The following SCN4A variants were observed in gnomAD, a reference collection of about 807,000 sequenced individuals.
SCN4A encodes the protein sodium voltage-gated channel alpha subunit 4, also known as sodium channel protein type 4 subunit alpha.
SCN4A carries 83 observed loss-of-function variants against 162.0 expected under a neutral mutation model. That is an observed-to-expected ratio of 0.51 (90% CI 0.43 to 0.61). SCN4A has a LOEUF of 0.61. Ranked by LOEUF, SCN4A falls within the 20% of genes least tolerant of loss-of-function variation. The pLI, the probability that SCN4A is intolerant of heterozygous loss-of-function variation, is 0.00. For synonymous variants in SCN4A, 944 were observed against 985.1 expected, an observed-to-expected ratio of 0.96 and a Z score of 0.78; for missense variants, 2,196 against 2,462.5, an observed-to-expected ratio of 0.89 and a Z score of 2.29.
In SCN4A at chr17:63,951,626, T is replaced by G; in HGVS notation, c.2651A>C (p.Glu884Ala). The G allele has an allele frequency of 6.2e-7, 1 of 1,613,134 alleles. No homozygotes were observed. ...GTGATTGTCCTTCTTCAGGTCCTCC[T>G]CGGGCGGCTCCTTCTTCTCATCCTC... ...APEDEKKEPP[E>A]EDLKKDNHIL... The change falls in exon 14 of 24, where the codon GAG becomes GCG. Residue 884 changes from glutamate (E) to alanine (A), a missense_variant. By Grantham distance (107) the Glu-to-Ala change is moderately radical. Coordinates refer to ENST00000435607, the MANE Select transcript of SCN4A (RefSeq NM_000334.4). This position sits in a 1 kb window ranked among gnomAD's most constrained non-coding sequence, Gnocchi z 4.5.
At position 63,945,751 on chromosome 17, in the gene SCN4A, GCT is replaced by G; in HGVS notation, c.3442-115_3442-114del. ...AGCTGGGCATTGTCAATTAGGGAGG[GCT>G]TCCTAGAGGAGGGCCGACCTGCTGG... On this transcript the variant is annotated intron_variant, in intron 18 of 23. Coordinates refer to ENST00000435607, the MANE Select transcript of SCN4A (RefSeq NM_000334.4). The surrounding 1 kb of genome is among the most constrained non-coding windows in gnomAD (Gnocchi z 4.4). 8.3e-7 allele frequency: 1 copy of G among 1,201,616 alleles called. No individual in the cohort carries two copies. Among genetic ancestry groups the G allele is most frequent in the Non-Finnish European group, 1.2e-6 (1 of 838,598 alleles). 74.4% of individuals were successfully genotyped at this position (1,201,616 alleles called of 1,614,324 possible).
At chr17:63,959,579 C>T (rs927281990) in intron 11 of SCN4A, 141 bp from the exon 12 acceptor site, 4 of 743,084 alleles carry the variant, frequency 5.4e-6, no homozygotes, top group African/African-American at 3.5e-5. Context: ...GCAGGAGTGG[C>T]ATGCATGGCC....
At chr17:63,942,627 C>T (rs1271876585) in intron 23 of SCN4A, among the ~76,000 whole-genome samples, 199 bp downstream of exon 23, 1 of 152,252 alleles carries the variant, frequency 6.6e-6, no homozygotes, top group African/African-American at 2.4e-5. Context: ...TCCTGAGGTG[C>T]ATCCATGTGT....
At position 63,945,373 on chromosome 17, in the gene SCN4A, G is replaced by A. The variant is rs757364234; in HGVS notation, c.3707C>T (p.Ser1236Phe). The change falls in exon 19 of 24, where the codon TCC (serine) becomes TTC (phenylalanine). Residue 1236 changes from serine to phenylalanine, a missense_variant. Physicochemically the swap from Ser to Phe is radical, Grantham distance 155 (BLOSUM62 -2). Coordinates refer to ENST00000435607, the MANE Select transcript of SCN4A (RefSeq NM_000334.4). This position sits in a 1 kb window ranked among gnomAD's most constrained non-coding sequence, Gnocchi z 4.4. ...GGTCACACTCACCACCTGCAGGAGG[G>A]AGAGGTAGCCCAGACCCACGTTGTC... ...NYDNVGLGYL[S>F]LLQVATFKGW... 6.2e-7 allele frequency: 1 copy of A among 1,610,344 alleles called. No homozygotes were observed. Among genetic ancestry groups the A allele is most frequent in the Non-Finnish European group, 8.5e-7 (1 of 1,176,754 alleles).
chr17:63,952,036 A>C, intron 13 of SCN4A, 136 bp from the exon 14 acceptor site: 1 of 606,374 alleles, frequency 1.6e-6, no homozygotes, highest in Non-Finnish European at 2.9e-6. Context: ...GCCACCTAAG[A>C]GGTGTTCACA....
chr17:63,947,413 C>G (rs915845521), intron 17 of SCN4A, among the ~76,000 whole-genome samples: 1 of 136,686 alleles, frequency 7.3e-6, no homozygotes, highest in Non-Finnish European at 1.7e-5. Context: ...GGATGGTACC[C>G]GACTCCTTCG....
In SCN4A at chr17:63,944,815, G is replaced by T. The variant is rs777201502; in HGVS notation, c.3775-5C>A. 6.2e-7 allele frequency: 1 copy of T among 1,613,262 alleles called. No homozygotes were observed. Among genetic ancestry groups the T allele is most frequent in the Admixed American group, 1.7e-5 (1 of 59,954 alleles). ...GTACTGCGGCTGCTCCTCCTTCTGTGGGAGCCACAGGGTGGGACGGCGTGG... is the reference window on the plus strand; with the variant it reads ...GTACTGCGGCTGCTCCTCCTTCTGTTGGAGCCACAGGGTGGGACGGCGTGG... On this transcript the variant is annotated splice_region_variant and splice_polypyrimidine_tract_variant and intron_variant, in intron 20 of 23. Coordinates refer to ENST00000435607, the MANE Select transcript of SCN4A (RefSeq NM_000334.4). This position sits in a 1 kb window ranked among gnomAD's most constrained non-coding sequence, Gnocchi z 4.3.
rs1555603359 is a variant in SCN4A, at chr17:63,959,260, T to C, written c.2019+5A>G. 2.5e-6 allele frequency: 4 copies of C among 1,606,710 alleles called. No individual in the cohort carries two copies. Among genetic ancestry groups the C allele is most frequent in the Non-Finnish European group, 3.4e-6 (4 of 1,173,994 alleles). On this transcript the variant is annotated splice_donor_5th_base_variant and intron_variant, in intron 12 of 23. Coordinates refer to ENST00000435607, the MANE Select transcript of SCN4A (RefSeq NM_000334.4). ...CCAGCCCCTGGCCCTGGGGCTTTTG[T>C]GTACCAGACGGAAGGAGCGTAGCAC...
In SCN4A at chr17:63,940,575, T is replaced by C; in HGVS notation, c.*196A>G. 3.5e-6 allele frequency: 2 copies of C among 573,716 alleles called. No individual in the cohort carries two copies. Among genetic ancestry groups the C allele is most frequent in the East Asian group, 3.0e-5 (1 of 33,396 alleles). The allele number at this position is 573,716 out of a possible 1,614,324, so 35.5% of individuals were successfully genotyped here. On this transcript the variant is annotated 3_prime_UTR_variant, in exon 24 of 24. Coordinates refer to ENST00000435607, the MANE Select transcript of SCN4A (RefSeq NM_000334.4). The stretch of plus-strand genomic sequence containing the variant: ...CCCAGCATGGAGCCCCTGAGCGCAA[T>C]TCCCATTTCCCATGGTCTGGGAACG...
chr17:63,944,940 C>G lies in SCN4A; in HGVS notation c.3774+67G>C. ...TCGGGGACAGAACGTGCTGCCAAGT[C>G]TCCCTCCTGTCTTGAGTCCTCTTCC... On this transcript the variant is annotated intron_variant, in intron 20 of 23. Transcript: ENST00000435607. This position sits in a 1 kb window ranked among gnomAD's most constrained non-coding sequence, Gnocchi z 4.3. The G allele has an allele frequency of 6.3e-7, 1 of 1,594,578 alleles. No homozygotes were observed.
At chr17:63,949,766 G>A in intron 14 of SCN4A, 1 of 439,710 alleles carries the variant, frequency 2.3e-6, no homozygotes, top group Non-Finnish European at 4.1e-6. Flanking sequence ...TGCCTGGGAA[G>A]GGACGGTAAG....
At chr17:63,948,171 G>C in intron 16 of SCN4A, 108 bp from the exon 17 acceptor site, 3 of 862,716 alleles carry the variant, frequency 3.5e-6, no homozygotes, top group Non-Finnish European at 5.1e-6. Context: ...TGCCGTGGGG[G>C]CCCAGCCCAA....
At chr17:63,943,716 A>C in intron 22 of SCN4A, 30 bp downstream of exon 22, 1 of 1,395,788 alleles carries the variant, frequency 7.2e-7, no homozygotes, top group Non-Finnish European at 1.0e-6. Flanking sequence ...CTGGCAGCAC[A>C]CACAGGACAG....
At chr17:63,965,036 T>C (rs1433009474) in intron 8 of SCN4A, among the ~76,000 whole-genome samples, 1 of 152,170 alleles carries the variant, frequency 6.6e-6, no homozygotes, top group Non-Finnish European at 1.5e-5. Flanking sequence ...CTATTATTAT[T>C]ATTTAATCAA....
rs748690174 is a variant in SCN4A, at chr17:63,972,719, C to G, written c.123G>C (p.Arg41=). 3.1e-6 allele frequency: 5 copies of G among 1,613,700 alleles called. No individual in the cohort carries two copies. In the South Asian group the frequency reaches 5.5e-5, roughly 18 times the overall value. The change falls in exon 1 of 24, where the codon CGG becomes CGC. Residue 41 remains arginine, a synonymous_variant. Coordinates refer to ENST00000435607, the MANE Select transcript of SCN4A (RefSeq NM_000334.4). This position sits in a 1 kb window ranked among gnomAD's most constrained non-coding sequence, Gnocchi z 4.3. Reference sequence around the variant, plus strand: ...GCTCCTCAATCTCCATCTGCTTATTCCGCTGCAGCCGGGCCTCCTCCTCCA... The same window carrying G: ...GCTCCTCAATCTCCATCTGCTTATTGCGCTGCAGCCGGGCCTCCTCCTCCA... ...RAVEEEARLQ[R]NKQMEIEEPE... is the part of the protein sequence containing the mutation.
In SCN4A at chr17:63,960,354, G is replaced by A. The variant is rs1362608285; in HGVS notation, c.1845+839C>T. On this transcript the variant is annotated intron_variant, in intron 11 of 23. Coordinates refer to ENST00000435607, the MANE Select transcript of SCN4A (RefSeq NM_000334.4). The stretch of plus-strand genomic sequence containing the variant: ...AGCCCAGCCTGGCCATGGCTGCCTC[G>A]GCACCTCTATAGGACAGACGTGCCT... 4.6e-5 allele frequency among the ~76,000 whole-genome samples: 7 copies of A among 152,336 alleles called. No homozygotes were observed. In the East Asian group the frequency reaches 1.4e-3, roughly 29 times the overall value.
chr17:63,968,190 G>A lies in SCN4A; in HGVS notation c.869C>T (p.Thr290Ile), dbSNP rs769921902. ...GTCATTGCTGTACCACGTGGTGTTG[G>A]TGTCGTTGAACGGCGGGGGCCAGCG... ...CVRWPPPFND[T>I]NTTWYSNDTW... The change falls in exon 6 of 24, where the codon ACC becomes ATC. Residue 290 changes from threonine (T) to isoleucine (I), a missense_variant. Coordinates refer to ENST00000435607, the MANE Select transcript of SCN4A (RefSeq NM_000334.4). The A allele has an allele frequency of 1.2e-6, 2 of 1,614,000 alleles. No individual in the cohort carries two copies. The highest frequency in any genetic ancestry group is 1.1e-5 in the South Asian group (1 of 91,080).
chr17:63,940,731 G>A lies in SCN4A; in HGVS notation c.*40C>T, dbSNP rs746840155. On this transcript the variant is annotated 3_prime_UTR_variant, in exon 24 of 24. Coordinates refer to ENST00000435607, the MANE Select transcript of SCN4A (RefSeq NM_000334.4). ...GCAGGCACCACGGGGGAGCTCTGGG[G>A]ACTATGCCGAGACTCAGTGGGCCAC... is the stretch of plus-strand genomic sequence containing the variant. The A allele has an allele frequency of 1.3e-5, 20 of 1,524,900 alleles. 1 individual carries two copies. Among genetic ancestry groups the A allele is most frequent in the Non-Finnish European group, 1.6e-5 (18 of 1,136,436 alleles). 94.5% of individuals were successfully genotyped at this position (1,524,900 alleles called of 1,614,324 possible). A position where few individuals can be genotyped will look rare whatever the true frequency, so the allele number is the denominator to read the frequency against.
At position 63,957,236 on chromosome 17, in the gene SCN4A, C is replaced by T. The variant is rs999785370; in HGVS notation, c.2302G>A (p.Asp768Asn). 2 of 1,611,378 alleles carry T rather than the reference C, an allele frequency of 1.2e-6. No individual in the cohort carries two copies. Among genetic ancestry groups the T allele is most frequent in the Non-Finnish European group, 1.7e-6 (2 of 1,177,682 alleles). The change falls in exon 13 of 24, where the codon GAC becomes AAC. Residue 768 changes from aspartate to asparagine, a missense_variant. Coordinates refer to ENST00000435607, the MANE Select transcript of SCN4A (RefSeq NM_000334.4). ...LCGEWIETMWDCMEVAGQAMC... is the reference protein window; with the variant it reads ...LCGEWIETMWNCMEVAGQAMC... ...GCTTGGCCGGCCACCTCCATGCAGT[C>T]CCACATGGTCTCGATCCACTCCCCG...
Sources: allele counts gnomAD v4.1 joint callset (sites outside exome capture counted in the v4.1 genomes callset), GRCh38; gene constraint gnomAD v4.1.1; non-coding constraint Gnocchi (gnomAD v3.1); transcripts MANE v1.5; gene names NCBI Gene and HGNC (gene_info 2026-07-23, HGNC 2026-07-21).